The following NBEA variants were observed in gnomAD, a reference collection of about 807,000 sequenced individuals.
NBEA encodes neurobeachin, also known as lysosomal-trafficking regulator 2.
NBEA carries 44 observed loss-of-function variants against 343.4 expected under a neutral mutation model. The observed-to-expected ratio is 0.13, with a 90% confidence interval of 0.10 to 0.16. NBEA has a LOEUF of 0.16. Ranked by LOEUF, NBEA falls within the 10% of genes least tolerant of loss-of-function variation. NBEA has a pLI of 1.00. For missense variants in NBEA, 2,555 were observed against 3,631.3 expected, an observed-to-expected ratio of 0.70 and a Z score of 7.62; for synonymous variants, 1,175 against 1,238.7, an observed-to-expected ratio of 0.95 and a Z score of 1.08.
At position 34,943,433 on chromosome 13, in the gene NBEA, TAGG is replaced by T. The variant is rs144477456; in HGVS notation, c.294+323_294+325del. 9.6e-3 allele frequency among the ~76,000 whole-genome samples: 1,456 copies of T among 152,152 alleles called. 17 individuals carry two copies. Among genetic ancestry groups the T allele is most frequent in the African/African-American group, 0.034 (1,404 of 41,520 alleles). On this transcript the variant is annotated intron_variant, in intron 1 of 58. Coordinates refer to ENST00000379939, the MANE Select transcript of NBEA (RefSeq NM_001385012.1). ...TTTTGGGTCGACTTTAGAGTTTAGTTAGGAGGTGAGGAGGCCTCCTGTTCTCTG... is the reference window on the plus strand; with the variant it reads ...TTTTGGGTCGACTTTAGAGTTTAGTTAGGTGAGGAGGCCTCCTGTTCTCTG...
At chr13:35,279,475 C>T (rs182088982) in intron 34 of NBEA, among the ~76,000 whole-genome samples, 110 of 152,146 alleles carry the variant, frequency 7.2e-4, no homozygotes, top group African/African-American at 2.5e-3. Context: ...TATAAAATTG[C>T]CTAATTTTGA....
chr13:35,649,542 C>A (rs2084415087), intron 51 of NBEA, 113 bp from the exon 52 acceptor site: 2 of 874,242 alleles, frequency 2.3e-6, no homozygotes, highest in South Asian at 3.3e-5. Context: ...GGCTTTTCCT[C>A]CTTGTGTGTG....
At chr13:35,457,351 G>A (rs1350638674) in intron 40 of NBEA, among the ~76,000 whole-genome samples, 1 of 152,104 alleles carries the variant, frequency 6.6e-6, no homozygotes, top group Non-Finnish European at 1.5e-5. Flanking sequence ...TTCATTCACA[G>A]AGTTATGCAA....
At chr13:34,997,018 T>C (rs981837147) in intron 1 of NBEA, among the ~76,000 whole-genome samples, 4 of 151,938 alleles carry the variant, frequency 2.6e-5, no homozygotes, top group Admixed American at 6.6e-5. Flanking sequence ...TCTACCTGTC[T>C]GTTAGCTTAG....
At chr13:35,414,330 G>C (rs570553050) in intron 38 of NBEA, among the ~76,000 whole-genome samples, 172 of 151,958 alleles carry the variant, frequency 1.1e-3, no homozygotes, top group African/African-American at 4.0e-3. Context: ...TGCTGCACTC[G>C]TTAACTCGTC....
chr13:35,370,007 T>A (rs948892345), intron 38 of NBEA, among the ~76,000 whole-genome samples: 1 of 151,920 alleles, frequency 6.6e-6, no homozygotes, highest in East Asian at 1.9e-4. Flanking sequence ...TCCATAGCTA[T>A]TGGATGAAAT....
intron 51 of NBEA, among the ~76,000 whole-genome samples, chr13:35,649,024 TA>T (rs550506636): frequency 1.3e-5 from 2 of 149,944 alleles, no homozygotes; most frequent in Non-Finnish European, 1.5e-5. Context: ...TTAAAATAAT[TA>T]AAAAAAAAGA....
At chr13:35,431,285 A>G (rs1212362794) in intron 38 of NBEA, among the ~76,000 whole-genome samples, 1 of 152,152 alleles carries the variant, frequency 6.6e-6, no homozygotes, top group African/African-American at 2.4e-5. Flanking sequence ...GAAATCTTCT[A>G]GGAAAGTATT....
In NBEA at chr13:35,432,389, A is replaced by G. The variant is rs2045177197; in HGVS notation, c.6300A>G (p.Glu2100=). 5 of 1,604,298 alleles carry G rather than the reference A, an allele frequency of 3.1e-6. No individual in the cohort carries two copies. The highest frequency in any genetic ancestry group is 3.4e-6 in the Non-Finnish European group (4 of 1,175,044). Residue 2100 remains glutamate (E), a synonymous_variant, in exon 39 of 59, where the codon GAA becomes GAG. Coordinates refer to ENST00000379939, the MANE Select transcript of NBEA (RefSeq NM_001385012.1). ...AAGCATTGCTGAAAGCTGCAATAGA[A>G]TATGGTTAGTACCAATGCTTCTTCC... ...HAEALLKAAI[E]YGTEEDVVKS... is the part of the protein sequence containing the mutation.
At chr13:35,439,069 A>G (rs550730247) in intron 39 of NBEA, among the ~76,000 whole-genome samples, 5 of 152,332 alleles carry the variant, frequency 3.3e-5, no homozygotes, top group African/African-American at 4.8e-5. Context: ...AGTTTCTTCC[A>G]TCTAACAGCA....
intron 34 of NBEA, among the ~76,000 whole-genome samples, chr13:35,264,973 T>C (rs61947446): frequency 0.085 from 12,884 of 151,920 alleles, 653 homozygotes; most frequent in African/African-American, 0.15. Context: ...GACATGATCT[T>C]ATATGTAGAA....
At chr13:35,486,966 A>G (rs1329353611) in intron 41 of NBEA, among the ~76,000 whole-genome samples, 1 of 152,016 alleles carries the variant, frequency 6.6e-6, no homozygotes, top group Non-Finnish European at 1.5e-5. Flanking sequence ...GATGAGGAGA[A>G]GCAATTATTT....
chr13:35,034,155 A>G (rs555839262), intron 1 of NBEA, among the ~76,000 whole-genome samples: 26 of 151,800 alleles, frequency 1.7e-4, no homozygotes, highest in Admixed American at 3.3e-4. Flanking sequence ...GGTCTGTAGT[A>G]TATGCTTTTT....
intron 44 of NBEA, among the ~76,000 whole-genome samples, chr13:35,560,768 A>G (rs918252726): frequency 2.0e-5 from 3 of 152,174 alleles, no homozygotes; most frequent in South Asian, 2.1e-4. Flanking sequence ...GGAAGGAGAC[A>G]TGACTGGATT....
chr13:35,062,569 TAA>T (rs1322331002), intron 8 of NBEA, among the ~76,000 whole-genome samples: 8 of 151,564 alleles, frequency 5.3e-5, no homozygotes, highest in Non-Finnish European at 1.0e-4. Context: ...AAACCAAAAA[TAA>T]AGAGAAAATC....
At position 35,341,070 on chromosome 13, in the gene NBEA, T is replaced by C. The variant is rs1200142975; in HGVS notation, c.5904-8038T>C. Among the ~76,000 whole-genome samples the C allele has an allele frequency of 3.3e-5, 5 of 151,852 alleles. No individual in the cohort carries two copies. In the East Asian group the frequency reaches 9.7e-4, roughly 29 times the overall value. ...CAGACAAATTTAATAGAATTGAGAGTCCACAAAGAAACCCATATACTTATG... is the reference window on the plus strand; with the variant it reads ...CAGACAAATTTAATAGAATTGAGAGCCCACAAAGAAACCCATATACTTATG... On this transcript the variant is annotated intron_variant, in intron 36 of 58. Coordinates refer to ENST00000379939, the MANE Select transcript of NBEA (RefSeq NM_001385012.1).
At chr13:35,440,024 C>T (rs2045649804) in intron 39 of NBEA, among the ~76,000 whole-genome samples, 1 of 152,152 alleles carries the variant, frequency 6.6e-6, no homozygotes, top group Non-Finnish European at 1.5e-5. Flanking sequence ...AGATTACAGG[C>T]ATGCGCCACC....
At chr13:35,226,640 A>T (rs1041214768) in intron 33 of NBEA, among the ~76,000 whole-genome samples, 1 of 148,484 alleles carries the variant, frequency 6.7e-6, no homozygotes, top group African/African-American at 2.5e-5. Context: ...ATTTTGTGTC[A>T]TTTAATTTAA....
At chr13:35,095,288 A>G (rs1001524472) in intron 10 of NBEA, among the ~76,000 whole-genome samples, 4 of 150,994 alleles carry the variant, frequency 2.6e-5, no homozygotes, top group Non-Finnish European at 4.4e-5. Flanking sequence ...GTCAAAATCT[A>G]TATTTAAATT....
Sources: gnomAD v4.1 joint callset for allele counts (sites outside exome capture counted in the v4.1 genomes callset) on GRCh38, gnomAD v4.1.1 for gene constraint, MANE v1.5 for transcripts, NCBI Gene and HGNC (gene_info 2026-07-23, HGNC 2026-07-21) for gene names.